NTN1: variants seen among roughly 807,000 people sequenced by gnomAD.
NTN1 encodes the protein netrin-1.
In NTN1, 11 loss-of-function variants were observed where a neutral mutation model predicts 54.2. The observed-to-expected ratio is 0.20, with a 90% CI of 0.13 to 0.34. The LOEUF (loss-of-function observed/expected upper bound fraction) is 0.34. Ranked by LOEUF, NTN1 falls within the 10% of genes least tolerant of loss-of-function variation. The pLI is 1.00. For synonymous variants in NTN1, 371 were observed against 382.0 expected (o/e 0.97, Z 0.33); for missense variants, 740 against 893.1 (o/e 0.83, Z 2.18).
chr17:9,059,784 T>C (rs538125361), intron 2 of NTN1, among the ~76,000 whole-genome samples: 1 of 151,556 alleles, frequency 6.6e-6, no homozygotes, highest in East Asian at 1.9e-4. Flanking sequence ...GGATTGTCTA[T>C]TTTAAATGAC....
At chr17:9,215,878 T>C (rs12602326) in intron 5 of NTN1, among the ~76,000 whole-genome samples, 16,929 of 152,248 alleles carry the variant, frequency 0.11, 1,892 homozygotes, top group East Asian at 0.64. Flanking sequence ...CCTCTAAATT[T>C]TGTAAGAGTT....
At chr17:9,121,472 G>A (rs2092231587) in intron 2 of NTN1, among the ~76,000 whole-genome samples, 1 of 151,958 alleles carries the variant, frequency 6.6e-6, no homozygotes. Context: ...ACTCACCCCC[G>A]GTGCTCCTTT....
At chr17:9,235,985 G>C (rs1028918281) in intron 6 of NTN1, among the ~76,000 whole-genome samples, 1 of 152,222 alleles carries the variant, frequency 6.6e-6, no homozygotes, top group East Asian at 1.9e-4. Context: ...TTACAGGCGT[G>C]AGCCACCATG....
rs367714250 is a variant in NTN1 at position 9,204,288 on chromosome 17, CTT to C, written c.1412-16878_1412-16877del. On this transcript the variant is annotated intron_variant, in intron 5 of 6. Transcript: ENST00000173229. The stretch of plus-strand genomic sequence containing the variant: ...TCCTTCTCTCTCTCTTTCTCTATCT[CTT>C]TCTCTCTCTCTCTCTCTCTTTCTTT... Among the ~76,000 whole-genome samples, 629 of 139,738 alleles carry C rather than the reference CTT, an allele frequency of 4.5e-3. 2 individuals are homozygous for C. Among genetic ancestry groups the C allele is most frequent in the South Asian group, 0.024 (105 of 4,352 alleles). 91.7% of individuals were successfully genotyped at this position (139,738 alleles called of 152,430 possible). A position where few individuals can be genotyped will look rare whatever the true frequency, so the allele number is the denominator to read the frequency against.
At chr17:9,151,307 G>A (rs1168925264) in intron 2 of NTN1, among the ~76,000 whole-genome samples, 4 of 152,082 alleles carry the variant, frequency 2.6e-5, no homozygotes, top group Non-Finnish European at 4.4e-5. Context: ...TTGACAGAAG[G>A]CCCCTTTGTG....
chr17:9,145,645 G>A (rs1049067500), intron 2 of NTN1, among the ~76,000 whole-genome samples: 3 of 152,170 alleles, frequency 2.0e-5, no homozygotes, highest in Non-Finnish European at 2.9e-5. Flanking sequence ...GGCCAGGCAC[G>A]GTGGCTCACA....
intron 5 of NTN1, among the ~76,000 whole-genome samples, chr17:9,202,469 G>T (rs1023837822): frequency 1.3e-5 from 2 of 152,132 alleles, no homozygotes; most frequent in African/African-American, 4.8e-5. Context: ...TGGGTACCTG[G>T]AGTGTATTGA....
chr17:9,005,906 C>G, the NTN1 span, among the ~76,000 whole-genome samples: 1 of 152,230 alleles, frequency 6.6e-6, no homozygotes, highest in Non-Finnish European at 1.5e-5. Context: ...GGACCTAACA[C>G]TGCACACTGC....
rs370328385 is a variant in NTN1 at position 9,071,182 on chromosome 17, G to A, written c.1018+47791G>A. On this transcript the variant is annotated intron_variant, in intron 2 of 6. Coordinates refer to ENST00000173229, the MANE Select transcript of NTN1 (RefSeq NM_004822.3). Reference sequence around the variant, plus strand: ...CCAGCTCTTTTTCACCTCTGTCAGCGGTCATGAGGGAGCCTGCTCTCTGTG... The same window carrying A: ...CCAGCTCTTTTTCACCTCTGTCAGCAGTCATGAGGGAGCCTGCTCTCTGTG... 3.3e-5 allele frequency among the ~76,000 whole-genome samples: 5 copies of A among 152,250 alleles called. No individual in the cohort carries two copies. The East Asian group carries it at 9.7e-4, about 29-fold the overall frequency.
intron 2 of NTN1, among the ~76,000 whole-genome samples, chr17:9,113,297 C>T (rs891380804): frequency 6.6e-6 from 1 of 152,060 alleles, no homozygotes; most frequent in African/African-American, 2.4e-5. Context: ...GCTGGGATTA[C>T]AGGCATGAGC....
At chr17:9,203,819 A>G (rs191426522) in intron 5 of NTN1, among the ~76,000 whole-genome samples, 11 of 147,530 alleles carry the variant, frequency 7.5e-5, no homozygotes, top group Admixed American at 2.7e-4. Flanking sequence ...AAAGGAAAAG[A>G]AAAAAGGAAG....
At chr17:9,114,164 A>ATATATATATATATAT (rs1404097905) in intron 2 of NTN1, among the ~76,000 whole-genome samples, 10 of 80,530 alleles carry the variant, frequency 1.2e-4, no homozygotes, top group Non-Finnish European at 1.9e-4. Flanking sequence ...AAAAAAAAAA[A>ATATATATATATATAT]AAATATATAT....
chr17:9,227,281 G>A (rs1465345126), intron 6 of NTN1, among the ~76,000 whole-genome samples: 1 of 148,066 alleles, frequency 6.8e-6, no homozygotes, highest in African/African-American at 2.5e-5. Context: ...TATACCACAT[G>A]CACGCATACA....
In NTN1 at chr17:9,159,849, T is replaced by C. The variant is rs1368523773; in HGVS notation, c.1019-2964T>C. Reference sequence around the variant, plus strand: ...AATAAAAATATAAAAACATGTAGGTTCAAAATTCAACCCAGTAATTCCATC... The same window carrying C: ...AATAAAAATATAAAAACATGTAGGTCCAAAATTCAACCCAGTAATTCCATC... On this transcript the variant is annotated intron_variant, in intron 2 of 6. Coordinates refer to ENST00000173229, the MANE Select transcript of NTN1 (RefSeq NM_004822.3). Among the ~76,000 whole-genome samples the C allele has an allele frequency of 2.6e-5, 4 of 152,094 alleles. No individual in the cohort carries two copies. The East Asian group carries it at 7.7e-4, about 29-fold the overall frequency.
chr17:9,140,974 G>T (rs1352444513), intron 2 of NTN1, among the ~76,000 whole-genome samples: 3 of 152,184 alleles, frequency 2.0e-5, no homozygotes, highest in Non-Finnish European at 4.4e-5. Context: ...GGTGACAGTG[G>T]TGACTGGATT....
chr17:9,183,346 C>T (rs574867321), intron 5 of NTN1: 3 of 519,488 alleles, frequency 5.8e-6, no homozygotes, highest in Non-Finnish European at 1.2e-5. Context: ...CAGAAGGAGG[C>T]TTGGGCACAG....
chr17:9,077,909 G>A (rs1340363180), intron 2 of NTN1, among the ~76,000 whole-genome samples: 7 of 152,172 alleles, frequency 4.6e-5, no homozygotes, highest in Admixed American at 4.6e-4. Flanking sequence ...GGCTCTGTGT[G>A]GGGATTGTGG....
intron 2 of NTN1, among the ~76,000 whole-genome samples, chr17:9,033,929 A>AG (rs944682415): frequency 1.3e-5 from 2 of 151,792 alleles, no homozygotes; most frequent in Non-Finnish European, 2.9e-5. Flanking sequence ...AAAAAAAAAA[A>AG]AAAAAGAAAA....
At chr17:9,220,582 G>T (rs1905311648) in intron 5 of NTN1, among the ~76,000 whole-genome samples, 1 of 152,152 alleles carries the variant, frequency 6.6e-6, no homozygotes, top group Non-Finnish European at 1.5e-5. Flanking sequence ...AGGCCTAGCA[G>T]CCCTGCCTCT....
Sources: gnomAD v4.1 joint callset for allele counts (sites outside exome capture counted in the v4.1 genomes callset) on GRCh38, gnomAD v4.1.1 for gene constraint, MANE v1.5 for transcripts, NCBI Gene and HGNC (gene_info 2026-07-23, HGNC 2026-07-21) for gene names.